Variants in DAPK2 observed in about 807,000 individuals in gnomAD.
DAPK2 encodes the protein death-associated protein kinase 2.
Under a neutral mutation model 44.1 loss-of-function variants are expected in DAPK2, and 35 were observed. The observed-to-expected ratio is 0.79, with a 90% confidence interval of 0.61 to 1.05. The LOEUF (loss-of-function observed/expected upper bound fraction) is 1.05. Among genes scored for constraint, DAPK2 ranks in the 50% least tolerant of loss-of-function variants. The probability of loss-of-function intolerance (pLI) is 0.00; values close to 1 mark genes in which losing one functional copy is unlikely to be tolerated. For missense variants in DAPK2, 453 were observed against 483.2 expected (o/e 0.94, Z 0.59); for synonymous variants, 174 against 182.6 (o/e 0.95, Z 0.38).
intron 1 of DAPK2, among the ~76,000 whole-genome samples, chr15:63,994,990 TC>T (rs1329348527): frequency 6.6e-6 from 1 of 152,164 alleles, no homozygotes; most frequent in African/African-American, 2.4e-5. Flanking sequence ...CATTAACATC[TC>T]CTCATATAAT....
At chr15:64,027,614 A>G (rs774926415) in intron 1 of DAPK2, among the ~76,000 whole-genome samples, 4 of 152,226 alleles carry the variant, frequency 2.6e-5, no homozygotes, top group Non-Finnish European at 4.4e-5. Flanking sequence ...GAAGAAAAGT[A>G]AAGTGCAGGA....
At chr15:63,971,499 G>T in exon 3 of DAPK2, 2 of 1,614,162 alleles carry the variant, frequency 1.2e-6, no homozygotes, top group Non-Finnish European at 1.7e-6. Flanking sequence ...GAAGCTGGTG[G>T]CCTCCTCCTC....
chr15:64,018,558 C>A (rs1029822652), intron 1 of DAPK2, among the ~76,000 whole-genome samples: 2 of 152,186 alleles, frequency 1.3e-5, no homozygotes, highest in Admixed American at 1.3e-4. Flanking sequence ...AAGTCCCTCC[C>A]AGACTGGAAA....
intron 1 of DAPK2, among the ~76,000 whole-genome samples, chr15:64,028,778 C>T (rs1288410486): frequency 2.0e-5 from 3 of 151,620 alleles, no homozygotes; most frequent in Non-Finnish European, 4.4e-5. Flanking sequence ...GACAGACAGA[C>T]AGACAGATAA....
intron 1 of DAPK2, among the ~76,000 whole-genome samples, chr15:63,989,365 C>T (rs988473224): frequency 1.3e-5 from 2 of 151,682 alleles, no homozygotes; most frequent in South Asian, 2.1e-4. Context: ...AGCAAGACTC[C>T]GTCTCTAAAA....
At chr15:63,979,457 T>G (rs2078442700) in intron 2 of DAPK2, among the ~76,000 whole-genome samples, 1 of 152,130 alleles carries the variant, frequency 6.6e-6, no homozygotes, top group Non-Finnish European at 1.5e-5. Flanking sequence ...GGCAGTGGGA[T>G]CAGCGTAGAC....
At chr15:63,984,019 A>G (rs1162100403) in intron 1 of DAPK2, among the ~76,000 whole-genome samples, 11 of 152,154 alleles carry the variant, frequency 7.2e-5, no homozygotes, top group Admixed American at 6.5e-4. Context: ...AGGCCCAGAA[A>G]GGTTATTGAT....
At chr15:64,029,320 T>A (rs1233393414) in intron 1 of DAPK2, among the ~76,000 whole-genome samples, 1 of 152,156 alleles carries the variant, frequency 6.6e-6, no homozygotes, top group Non-Finnish European at 1.5e-5. Context: ...CCTCCCTCTC[T>A]CATCCACAGC....
At chr15:64,005,844 C>T (rs1023945190) in intron 1 of DAPK2, among the ~76,000 whole-genome samples, 5 of 151,956 alleles carry the variant, frequency 3.3e-5, no homozygotes, top group African/African-American at 1.2e-4. Flanking sequence ...GCCAGGGCAA[C>T]ATAGTGAGAT....
At chr15:64,022,534 C>T (rs1322776245) in intron 1 of DAPK2, among the ~76,000 whole-genome samples, 1 of 152,154 alleles carries the variant, frequency 6.6e-6, no homozygotes, top group East Asian at 1.9e-4. Context: ...AGTTCACAAT[C>T]CCATGGGCAT....
At chr15:63,944,484 G>A (rs920252739) in intron 3 of DAPK2, among the ~76,000 whole-genome samples, 1 of 152,180 alleles carries the variant, frequency 6.6e-6, no homozygotes, top group South Asian at 2.1e-4. Context: ...CTATTAGCCT[G>A]ATGACAGCCA....
At position 63,985,911 on chromosome 15, in the gene DAPK2, C is replaced by T. The variant is rs546638496; in HGVS notation, c.93-2157G>A. Among the ~76,000 whole-genome samples the T allele has an allele frequency of 5.9e-5, 9 of 152,336 alleles. 1 individual carries two copies. In the East Asian group the frequency reaches 9.6e-4, roughly 16 times the overall value. On this transcript the variant is annotated intron_variant, in intron 1 of 10. Transcript: ENST00000261891. ...TTTTCCTGCCTGAGTTTTCTCTTTG[C>T]GAGACAGCTGTGGCAATGAGTGGTG...
intron 2 of DAPK2, among the ~76,000 whole-genome samples, chr15:63,976,923 G>C (rs1173900066): frequency 6.6e-6 from 1 of 152,152 alleles, no homozygotes; most frequent in Non-Finnish European, 1.5e-5. Context: ...ATTTCTATTG[G>C]ACAGCGCCAA....
At chr15:63,996,979 G>A (rs1254780665) in intron 1 of DAPK2, among the ~76,000 whole-genome samples, 1 of 152,106 alleles carries the variant, frequency 6.6e-6, no homozygotes, top group African/African-American at 2.4e-5. Context: ...CCACAAGCCT[G>A]GAGGGCTGGG....
chr15:63,919,709 C>T (rs2079021985), intron 8 of DAPK2: 1 of 152,256 alleles, frequency 6.6e-6, no homozygotes, highest in African/African-American at 2.4e-5. Context: ...TGGTCTCACA[C>T]TCCTGACCTC....
intron 1 of DAPK2, among the ~76,000 whole-genome samples, chr15:64,029,252 G>A (rs929899590): frequency 1.3e-5 from 2 of 152,022 alleles, no homozygotes; most frequent in African/African-American, 4.8e-5. Flanking sequence ...TGTGCAATGC[G>A]GCCACTTTGT....
chr15:63,958,731 G>A (rs1275130327), intron 3 of DAPK2, among the ~76,000 whole-genome samples: 1 of 152,206 alleles, frequency 6.6e-6, no homozygotes, highest in Non-Finnish European at 1.5e-5. Context: ...TTTGGTACCA[G>A]TACCATGCTG....
chr15:63,958,083 T>G (rs2077777796), intron 3 of DAPK2, among the ~76,000 whole-genome samples: 1 of 152,240 alleles, frequency 6.6e-6, no homozygotes, highest in Non-Finnish European at 1.5e-5. Context: ...ATTGTGGTTT[T>G]GATTTGCATT....
At chr15:63,983,574 G>A (rs201638173) in exon 2 of DAPK2, 19 of 1,614,164 alleles carry the variant, frequency 1.2e-5, no homozygotes, top group East Asian at 1.1e-4. Flanking sequence ...TCTCATAGAC[G>A]TCGTGCAGCG....
Sources: gnomAD v4.1 joint callset for allele counts (sites outside exome capture counted in the v4.1 genomes callset) on GRCh38, gnomAD v4.1.1 for gene constraint, MANE v1.5 for transcripts, NCBI Gene and HGNC (gene_info 2026-07-23, HGNC 2026-07-21) for gene names.